The following GNAS-AS1 variants were observed in gnomAD, a reference collection of about 807,000 sequenced individuals.
The protein encoded by GNAS-AS1 is GNAS antisense RNA 1.
intron 4 of GNAS-AS1, among the ~76,000 whole-genome samples, chr20:58,833,220 A>G (rs1390404252): frequency 6.6e-6 from 1 of 152,212 alleles, no homozygotes; most frequent in Non-Finnish European, 1.5e-5. Flanking sequence ...CATTTGGAAA[A>G]CCGGAAAGTC....
chr20:58,840,208 GCT>G lies in GNAS-AS1; in HGVS notation n.819+1727_819+1728del. The stretch of plus-strand genomic sequence containing the variant: ...GCCGGGCAGCCACCGCGCTCCTCTG[GCT>G]CTCCTGCTCCATCGCGCTCCTCCGC... On this transcript the variant is annotated intron_variant and non_coding_transcript_variant, in intron 4 of 4. Transcript: ENST00000424094. The surrounding 1 kb of genome is among the most constrained non-coding windows in gnomAD (Gnocchi z 6.0). 1 of 1,611,058 alleles carries G rather than the reference GCT, an allele frequency of 6.2e-7. No homozygotes were observed. The highest frequency in any genetic ancestry group is 8.5e-7 in the Non-Finnish European group (1 of 1,179,906).
intron 4 of GNAS-AS1, among the ~76,000 whole-genome samples, chr20:58,819,858 C>A (rs150008823): frequency 1.3e-5 from 2 of 152,364 alleles, no homozygotes; most frequent in Admixed American, 1.3e-4. Flanking sequence ...CCCAGACCCA[C>A]ACAGGTGACC....
At position 58,844,587 on chromosome 20, in the gene GNAS-AS1, G is replaced by A. The variant is rs149707737; in HGVS notation, n.414-2042C>T. Among the ~76,000 whole-genome samples the A allele has an allele frequency of 3.9e-3, 594 of 152,172 alleles. 3 individuals carry two copies. Among genetic ancestry groups the A allele is most frequent in the Non-Finnish European group, 3.8e-3 (259 of 67,988 alleles). Reference sequence around the variant, plus strand: ...CCTCAGTTTCTTCTAAAATGAGATCGCTGAATGAGATGATCCTATTTATCC... The same window carrying A: ...CCTCAGTTTCTTCTAAAATGAGATCACTGAATGAGATGATCCTATTTATCC... On this transcript the variant is annotated intron_variant and non_coding_transcript_variant, in intron 2 of 4. Transcript: ENST00000424094.
rs1020589286 is a variant in GNAS-AS1, at chr20:58,841,312, A to G, written n.819+625T>C. On this transcript the variant is annotated intron_variant and non_coding_transcript_variant, in intron 4 of 4. Coordinates refer to ENST00000424094, the Ensembl canonical transcript of GNAS-AS1. The surrounding 1 kb of genome is among the most constrained non-coding windows in gnomAD (Gnocchi z 5.0). ...CTCAGGTGTCCAAAATGTGGTTCGG[A>G]GGTGCGCGCGCCAACTTTCACGATG... The G allele has an allele frequency of 3.8e-6, 4 of 1,059,268 alleles. No individual in the cohort carries two copies. In the East Asian group the frequency reaches 2.4e-4, roughly 63 times the overall value. 65.6% of individuals were successfully genotyped at this position (1,059,268 alleles called of 1,614,324 possible).
Position 58,836,713 on chromosome 20 carries a change from T to C in GNAS-AS1, n.819+5224A>G, listed in dbSNP as rs2085605855. Among the ~76,000 whole-genome samples, 5 of 152,248 alleles carry C rather than the reference T, an allele frequency of 3.3e-5. No individual in the cohort carries two copies. The South Asian group carries it at 1.0e-3, about 31-fold the overall frequency. ...CACGTAATGCATTTTAAAGAGCATC[T>C]GCTGTACGGCTCCATTTGCTCGACC... On this transcript the variant is annotated intron_variant and non_coding_transcript_variant, in intron 4 of 4. Coordinates refer to ENST00000424094, the Ensembl canonical transcript of GNAS-AS1.
intron 2 of GNAS-AS1, among the ~76,000 whole-genome samples, chr20:58,848,070 C>T (rs957830607): frequency 2.6e-5 from 4 of 152,196 alleles, no homozygotes; most frequent in Admixed American, 1.3e-4. Context: ...ATTTTCAAAA[C>T]GCCACTGTTT....
chr20:58,850,619 C>T (rs1257441284), exon 1 of GNAS-AS1: 1 of 399,030 alleles, frequency 2.5e-6, no homozygotes, highest in Non-Finnish European at 4.4e-6. Context: ...CCTTGGGGTC[C>T]TGGCCCTCTA....
intron 4 of GNAS-AS1, among the ~76,000 whole-genome samples, chr20:58,830,521 A>AC (rs1383748083): frequency 8.9e-3 from 4 of 450 alleles, no homozygotes; most frequent in Admixed American, 0.028. Context: ...CATCACCACC[A>AC]CACCACCATC....
chr20:58,845,612 A>C (rs980177169), intron 2 of GNAS-AS1, among the ~76,000 whole-genome samples: 2 of 151,240 alleles, frequency 1.3e-5, no homozygotes, highest in Non-Finnish European at 2.9e-5. Flanking sequence ...TCTTTCTTAC[A>C]TATCAAAAGG....
chr20:58,819,573 C>G (rs6070625), intron 4 of GNAS-AS1, among the ~76,000 whole-genome samples: 70,710 of 151,936 alleles, frequency 0.47, 17,300 homozygotes, highest in East Asian at 0.65. Context: ...GCCTTTGTGT[C>G]TGATCTGAGA....
chr20:58,837,230 G>A (rs952108493), intron 4 of GNAS-AS1, among the ~76,000 whole-genome samples: 8 of 152,128 alleles, frequency 5.3e-5, no homozygotes, highest in Non-Finnish European at 1.0e-4. Flanking sequence ...ATATGCTGTC[G>A]ATGGAGCTGT....
chr20:58,832,434 A>G (rs922101349), intron 4 of GNAS-AS1, among the ~76,000 whole-genome samples: 1 of 152,246 alleles, frequency 6.6e-6, no homozygotes, highest in African/African-American at 2.4e-5. Context: ...CACCAAGGTC[A>G]TTTATAAAAC....
intron 4 of GNAS-AS1, among the ~76,000 whole-genome samples, chr20:58,821,663 G>A (rs1454886991): frequency 6.6e-6 from 1 of 152,172 alleles, no homozygotes; most frequent in Non-Finnish European, 1.5e-5. Flanking sequence ...CCTACAGGAG[G>A]AGACTCACAC....
At chr20:58,821,205 G>A (rs777765828) in intron 4 of GNAS-AS1, among the ~76,000 whole-genome samples, 2 of 152,148 alleles carry the variant, frequency 1.3e-5, no homozygotes, top group Non-Finnish European at 2.9e-5. Context: ...CAGCCAGACT[G>A]GTTTCCTGCT....
At chr20:58,823,011 G>C (rs997892462) in intron 4 of GNAS-AS1, among the ~76,000 whole-genome samples, 4 of 152,002 alleles carry the variant, frequency 2.6e-5, no homozygotes, top group African/African-American at 9.7e-5. Context: ...GGCGCCTACT[G>C]TTTCCTCATA....
chr20:58,822,428 A>G (rs544075700), intron 4 of GNAS-AS1, among the ~76,000 whole-genome samples: 1 of 152,264 alleles, frequency 6.6e-6, no homozygotes, highest in East Asian at 1.9e-4. Flanking sequence ...TTGTCTATGG[A>G]CAGGAAGAGG....
At chr20:58,845,660 G>C (rs1263496645) in intron 2 of GNAS-AS1, among the ~76,000 whole-genome samples, 9 of 152,070 alleles carry the variant, frequency 5.9e-5, no homozygotes, top group Admixed American at 5.9e-4. Context: ...TTTTTTACTG[G>C]TATTTGTTTT....
chr20:58,827,854 G>A (rs1259027064), intron 4 of GNAS-AS1, among the ~76,000 whole-genome samples: 3 of 152,206 alleles, frequency 2.0e-5, no homozygotes, highest in African/African-American at 7.2e-5. Context: ...CTGGTGCAGG[G>A]TCATCAAAGC....
At chr20:58,832,209 G>A (rs1489925600) in intron 4 of GNAS-AS1, among the ~76,000 whole-genome samples, 1 of 151,994 alleles carries the variant, frequency 6.6e-6, no homozygotes, top group Non-Finnish European at 1.5e-5. Flanking sequence ...TGCAACAAAA[G>A]CATCTAATAC....
Sources: allele counts gnomAD v4.1 joint callset (sites outside exome capture counted in the v4.1 genomes callset), GRCh38; gene constraint gnomAD v4.1.1; non-coding constraint Gnocchi (gnomAD v3.1); transcripts MANE v1.5; gene names NCBI Gene and HGNC (gene_info 2026-07-23, HGNC 2026-07-21).